JAZF1: variants seen among roughly 807,000 people sequenced by gnomAD.
JAZF1 encodes JAZF zinc finger 1.
Under a neutral mutation model 26.4 loss-of-function variants are expected in JAZF1, and 8 were observed. That is an observed-to-expected ratio of 0.30 (90% confidence interval 0.18 to 0.55). The LOEUF (loss-of-function observed/expected upper bound fraction) is 0.55. Ranked by LOEUF, JAZF1 falls within the 20% of genes least tolerant of loss-of-function variation. JAZF1 has a pLI of 0.94. For missense variants in JAZF1, 199 were observed against 322.0 expected (o/e 0.62, Z 2.92); for synonymous variants, 126 against 122.3 (o/e 1.03, Z -0.20).
intron 1 of JAZF1, among the ~76,000 whole-genome samples, chr7:28,001,152 G>A (rs187047289): frequency 4.0e-5 from 6 of 151,882 alleles, no homozygotes; most frequent in African/African-American, 9.6e-5. Flanking sequence ...TCAGGAGTTC[G>A]AGACCAGCCT....
At chr7:28,161,782 C>T (rs1463136927) in intron 1 of JAZF1, among the ~76,000 whole-genome samples, 2 of 152,100 alleles carry the variant, frequency 1.3e-5, no homozygotes, top group Non-Finnish European at 2.9e-5. Context: ...TATGATTATC[C>T]TTTATTCCCC....
intron 1 of JAZF1, among the ~76,000 whole-genome samples, chr7:28,149,016 C>CA (rs1783068934): frequency 2.0e-5 from 3 of 152,288 alleles, no homozygotes; most frequent in Admixed American, 1.3e-4. Flanking sequence ...AGATGGTACT[C>CA]AAATCTTTCC....
chr7:27,917,617 C>T (rs1476787098), intron 2 of JAZF1, among the ~76,000 whole-genome samples: 1 of 152,192 alleles, frequency 6.6e-6, no homozygotes, highest in African/African-American at 2.4e-5. Flanking sequence ...TAGGTGGAAA[C>T]AGGCAATGGA....
intron 2 of JAZF1, among the ~76,000 whole-genome samples, chr7:27,970,528 A>G (rs150500577): frequency 6.6e-6 from 1 of 152,224 alleles, no homozygotes; most frequent in Admixed American, 6.5e-5. Context: ...ATTTCTTTCA[A>G]TTATGAGTAT....
intron 3 of JAZF1, among the ~76,000 whole-genome samples, chr7:27,846,918 T>C (rs981693338): frequency 6.6e-6 from 1 of 152,220 alleles, no homozygotes; most frequent in Non-Finnish European, 1.5e-5. Context: ...TTTCATCTTA[T>C]TGTTTCCTTT....
At chr7:28,000,137 C>T (rs11763515) in intron 1 of JAZF1, among the ~76,000 whole-genome samples, 78,749 of 151,632 alleles carry the variant, frequency 0.52, 20,523 homozygotes, top group East Asian at 0.64. Flanking sequence ...GTATTAGTTG[C>T]AGTATTAGTA....
intron 1 of JAZF1, among the ~76,000 whole-genome samples, chr7:28,075,736 G>C (rs1386028690): frequency 6.6e-6 from 1 of 151,934 alleles, no homozygotes; most frequent in Admixed American, 6.5e-5. Context: ...TGGATATTTA[G>C]GTGAATCCCA....
chr7:27,860,454 A>G (rs1454378450), intron 3 of JAZF1, among the ~76,000 whole-genome samples: 1 of 152,156 alleles, frequency 6.6e-6, no homozygotes, highest in African/African-American at 2.4e-5. Context: ...GTTCAACACC[A>G]TCTCCACAAC....
At chr7:27,909,403 CAAA>C (rs11323038) in intron 2 of JAZF1, among the ~76,000 whole-genome samples, 28,139 of 148,762 alleles carry the variant, frequency 0.19, 3,341 homozygotes, top group East Asian at 0.46. Flanking sequence ...GGCATAATTT[CAAA>C]AAAAAAAAAC....
chr7:28,033,020 C>T (rs1783218816), intron 1 of JAZF1, among the ~76,000 whole-genome samples: 1 of 152,142 alleles, frequency 6.6e-6, no homozygotes, highest in African/African-American at 2.4e-5. Context: ...TCTTTACTCT[C>T]TAAAGATATT....
At chr7:27,847,117 C>T (rs1783045144) in intron 3 of JAZF1, among the ~76,000 whole-genome samples, 1 of 151,362 alleles carries the variant, frequency 6.6e-6, no homozygotes, top group Admixed American at 6.6e-5. Context: ...GCATGTACCA[C>T]CACAGGCATG....
At chr7:28,020,596 C>T in intron 1 of JAZF1, 1 of 471,254 alleles carries the variant, frequency 2.1e-6, no homozygotes, top group Non-Finnish European at 4.4e-6. Context: ...GTACAACAAC[C>T]ATGTCTTCAT....
At chr7:28,117,862 C>T (rs1366771144) in intron 1 of JAZF1, among the ~76,000 whole-genome samples, 1 of 152,142 alleles carries the variant, frequency 6.6e-6, no homozygotes, top group Non-Finnish European at 1.5e-5. Context: ...AAGTTTACAA[C>T]TGGGAGGTCG....
chr7:27,848,319 ATTG>A (rs1467111280), intron 3 of JAZF1, among the ~76,000 whole-genome samples: 7 of 152,080 alleles, frequency 4.6e-5, no homozygotes, highest in Middle Eastern at 3.4e-3. Flanking sequence ...CATAAATGGG[ATTG>A]TTGTCTTGAT....
intron 2 of JAZF1, among the ~76,000 whole-genome samples, chr7:27,986,643 C>T (rs1785716416): frequency 8.0e-6 from 1 of 124,662 alleles, no homozygotes; most frequent in Non-Finnish European, 1.7e-5. Context: ...CTCCCTCCCC[C>T]TCCCCCTCTC....
intron 1 of JAZF1, among the ~76,000 whole-genome samples, chr7:28,158,028 A>G (rs1387546693): frequency 1.3e-5 from 2 of 152,094 alleles, no homozygotes; most frequent in Non-Finnish European, 2.9e-5. Flanking sequence ...TTATCTCTGC[A>G]TAACAGAACC....
At chr7:28,100,609 T>A (rs1784457860) in intron 1 of JAZF1, among the ~76,000 whole-genome samples, 1 of 152,192 alleles carries the variant, frequency 6.6e-6, no homozygotes, top group African/African-American at 2.4e-5. Flanking sequence ...ATGATTAGTG[T>A]CCTACAAAAT....
chr7:28,177,166 T>C (rs1254238920), intron 1 of JAZF1, among the ~76,000 whole-genome samples: 2 of 152,104 alleles, frequency 1.3e-5, no homozygotes, highest in Non-Finnish European at 2.9e-5. Flanking sequence ...ATATTCAGTG[T>C]ATACACTGAG....
At chr7:27,846,714 C>A (rs980413567) in intron 3 of JAZF1, among the ~76,000 whole-genome samples, 2 of 152,102 alleles carry the variant, frequency 1.3e-5, no homozygotes, top group African/African-American at 4.8e-5. Flanking sequence ...CTTAGTGATG[C>A]GCACCTTTTC....
Sources: gnomAD v4.1 joint callset for allele counts (sites outside exome capture counted in the v4.1 genomes callset) on GRCh38, gnomAD v4.1.1 for gene constraint, MANE v1.5 for transcripts, NCBI Gene and HGNC (gene_info 2026-07-23, HGNC 2026-07-21) for gene names.